Variants in PPFIA2 observed in about 807,000 individuals in gnomAD.
PPFIA2 encodes PPFI scaffold protein A2.
In PPFIA2, 46 loss-of-function variants were observed where a neutral mutation model predicts 175.5. The ratio of observed to expected loss-of-function variants is 0.26; its 90% CI spans 0.21 to 0.34. PPFIA2 has a LOEUF of 0.34. PPFIA2 is among the 10% of genes least tolerant of loss of function. The pLI, the probability that PPFIA2 is intolerant of heterozygous loss-of-function variation, is 1.00. For missense variants in PPFIA2, 1,179 were observed against 1,506.1 expected (o/e 0.78, Z 3.60); for synonymous variants, 568 against 511.4 (o/e 1.11, Z -1.49).
intron 4 of PPFIA2, among the ~76,000 whole-genome samples, chr12:81,619,190 A>G (rs1334821151): frequency 1.3e-5 from 2 of 152,284 alleles, no homozygotes; most frequent in East Asian, 3.9e-4. Context: ...GTCTCTGGTA[A>G]TGGGTTGGGA....
At chr12:81,638,930 G>T (rs12307469) in intron 4 of PPFIA2, among the ~76,000 whole-genome samples, 48,188 of 151,182 alleles carry the variant, frequency 0.32, 10,205 homozygotes, top group African/African-American at 0.61. Context: ...CTCGTGATCC[G>T]CCCGCCTCGG....
chr12:81,285,085 C>T (rs1348044863), intron 24 of PPFIA2, among the ~76,000 whole-genome samples: 1 of 151,830 alleles, frequency 6.6e-6, no homozygotes, highest in Non-Finnish European at 1.5e-5. Flanking sequence ...TTATAAAGTC[C>T]CATTTGCTTT....
In PPFIA2 at chr12:81,674,305, T is replaced by C. The variant is rs542330665; in HGVS notation, c.303+2486A>G. ...GAAAAAATATAAGACTTTGAATTTCTTACCAATGAAAACATCATCATAGAA... is the reference window on the plus strand; with the variant it reads ...GAAAAAATATAAGACTTTGAATTTCCTACCAATGAAAACATCATCATAGAA... On this transcript the variant is annotated intron_variant, in intron 4 of 32. Coordinates refer to ENST00000549396, the MANE Select transcript of PPFIA2 (RefSeq NM_003625.5). Among the ~76,000 whole-genome samples the C allele has an allele frequency of 4.8e-4, 73 of 152,196 alleles. 3 individuals carry two copies. The South Asian group carries it at 0.015, about 30-fold the overall frequency.
At chr12:81,368,632 G>T in intron 13 of PPFIA2, 93 bp downstream of exon 13, 1 of 1,243,098 alleles carries the variant, frequency 8.0e-7, no homozygotes, top group East Asian at 2.5e-5. Context: ...TAAGTAAATG[G>T]ATCATCTGAC....
At chr12:81,529,879 A>T (rs566309298) in intron 4 of PPFIA2, among the ~76,000 whole-genome samples, 1 of 152,034 alleles carries the variant, frequency 6.6e-6, no homozygotes, top group South Asian at 2.1e-4. Context: ...TACTAGGCTT[A>T]ATACCTTGGT....
chr12:81,639,603 G>A (rs2064666367), intron 4 of PPFIA2, among the ~76,000 whole-genome samples: 2 of 151,246 alleles, frequency 1.3e-5, no homozygotes, highest in South Asian at 2.1e-4. Context: ...GTATTATGCA[G>A]TTACAACAGG....
chr12:81,322,309 T>C (rs1435152863), intron 22 of PPFIA2, among the ~76,000 whole-genome samples: 1 of 152,120 alleles, frequency 6.6e-6, no homozygotes, highest in Non-Finnish European at 1.5e-5. Context: ...AAAGAGAAGA[T>C]ATTTTTGTTA....
At chr12:81,408,955 TG>T (rs2043411537) in intron 7 of PPFIA2, among the ~76,000 whole-genome samples, 1 of 152,186 alleles carries the variant, frequency 6.6e-6, no homozygotes, top group Non-Finnish European at 1.5e-5. Flanking sequence ...TTTTTGACAC[TG>T]GGGAAAGGGG....
At position 81,303,062 on chromosome 12, in the gene PPFIA2, T is replaced by G. The variant is rs563960609; in HGVS notation, c.2643-3680A>C. Among the ~76,000 whole-genome samples the G allele has an allele frequency of 6.6e-5, 10 of 152,240 alleles. No homozygotes were observed. The East Asian group carries it at 1.9e-3, about 29-fold the overall frequency. ...GACAAACTGATTTGGCACAAAGAAG[T>G]CTTTTGGATATACTGCTGTTCTCCG... On this transcript the variant is annotated intron_variant, in intron 22 of 32. Coordinates refer to ENST00000549396, the MANE Select transcript of PPFIA2 (RefSeq NM_003625.5).
At chr12:81,561,516 C>CAA (rs2070073243) in intron 4 of PPFIA2, among the ~76,000 whole-genome samples, 1 of 151,836 alleles carries the variant, frequency 6.6e-6, no homozygotes, top group East Asian at 1.9e-4. Flanking sequence ...GAGTCCCCCC[C>CAA]CAAAAAAAAC....
chr12:81,356,358 A>C (rs1360717182), intron 16 of PPFIA2, among the ~76,000 whole-genome samples: 2 of 152,024 alleles, frequency 1.3e-5, no homozygotes, highest in African/African-American at 2.4e-5. Context: ...AATAATAATA[A>C]AAGTTTGAAA....
intron 3 of PPFIA2, among the ~76,000 whole-genome samples, chr12:81,743,864 A>G (rs1178434425): frequency 6.6e-6 from 1 of 152,222 alleles, no homozygotes; most frequent in African/African-American, 2.4e-5. Flanking sequence ...AAATATAGAT[A>G]GCAACTCTAT....
At chr12:81,661,698 C>A (rs891808505) in intron 4 of PPFIA2, among the ~76,000 whole-genome samples, 14 of 152,280 alleles carry the variant, frequency 9.2e-5, no homozygotes, top group Non-Finnish European at 1.8e-4. Context: ...ACCAAGCAGA[C>A]CTAATAGACA....
chr12:81,607,705 T>G (rs1199482666), intron 4 of PPFIA2, among the ~76,000 whole-genome samples: 1 of 152,030 alleles, frequency 6.6e-6, no homozygotes, highest in Admixed American at 6.6e-5. Context: ...GGCAGAGTCT[T>G]TAGAGTTTTC....
At chr12:81,372,971 C>G (rs1566521899) in intron 11 of PPFIA2, among the ~76,000 whole-genome samples, 1 of 151,430 alleles carries the variant, frequency 6.6e-6, no homozygotes, top group Non-Finnish European at 1.5e-5. Context: ...ACAGACTAGA[C>G]AAGATAAGAG....
chr12:81,292,737 G>A (rs571723497), intron 24 of PPFIA2: 1 of 152,056 alleles, frequency 6.6e-6, no homozygotes, highest in Non-Finnish European at 1.5e-5. Context: ...TTTTTTGACT[G>A]TGTGTGGGGG....
intron 4 of PPFIA2, among the ~76,000 whole-genome samples, chr12:81,460,664 T>C (rs1478518475): frequency 6.6e-6 from 1 of 152,126 alleles, no homozygotes; most frequent in Non-Finnish European, 1.5e-5. Flanking sequence ...CTCTTTCCTA[T>C]ACCTATTCTC....
intron 4 of PPFIA2, among the ~76,000 whole-genome samples, chr12:81,520,200 A>T (rs2062950751): frequency 6.6e-6 from 1 of 152,158 alleles, no homozygotes; most frequent in Non-Finnish European, 1.5e-5. Flanking sequence ...ATCTATCATG[A>T]TGTTGATGGC....
chr12:81,415,687 A>C (rs907792488), intron 7 of PPFIA2, among the ~76,000 whole-genome samples: 3 of 149,490 alleles, frequency 2.0e-5, no homozygotes, highest in African/African-American at 7.4e-5. Flanking sequence ...AGTTTAAAAC[A>C]GAATGATTCC....
Sources: allele counts gnomAD v4.1 joint callset (sites outside exome capture counted in the v4.1 genomes callset), GRCh38; gene constraint gnomAD v4.1.1; transcripts MANE v1.5; gene names NCBI Gene and HGNC (gene_info 2026-07-23, HGNC 2026-07-21).